ATXN1: variants seen among roughly 807,000 people sequenced by gnomAD.
ATXN1 encodes the protein ataxin-1.
ATXN1 carries 8 observed loss-of-function variants against 56.4 expected under a neutral mutation model. That is an observed-to-expected ratio of 0.14 (90% CI 0.08 to 0.26). The LOEUF is 0.26. Among genes scored for constraint, ATXN1 ranks in the 10% least tolerant of loss-of-function variants. The pLI is 1.00. For missense variants in ATXN1, 987 were observed against 1,106.5 expected (o/e 0.89, Z 1.53); for synonymous variants, 514 against 494.6 (o/e 1.04, Z -0.52).
intron 4 of ATXN1, among the ~76,000 whole-genome samples, chr6:16,572,038 C>A (rs1762341850): frequency 6.6e-6 from 1 of 152,114 alleles, no homozygotes; most frequent in Non-Finnish European, 1.5e-5. Flanking sequence ...TTTAGATATG[C>A]CATGGCCGGT....
At chr6:16,515,537 G>A (rs1023356185) in intron 5 of ATXN1, among the ~76,000 whole-genome samples, 3 of 152,134 alleles carry the variant, frequency 2.0e-5, no homozygotes, top group African/African-American at 7.2e-5. Context: ...CACACGTAGC[G>A]AATGTGGTTG....
In ATXN1 at chr6:16,327,756, G is replaced by T; in HGVS notation, c.555C>A (p.Gly185=). The change falls in exon 7 of 8, where the codon GGC becomes GGA. Residue 185 remains glycine, a synonymous_variant. Coordinates refer to ENST00000436367, the MANE Select transcript of ATXN1 (RefSeq NM_001128164.2). The part of the protein sequence containing the change: ...EAYSTLLANM[G]SLSQTPGHKA... ...TGTGTCCCGGCGTCTGGCTCAGACT[G>T]CCCATGTTGGCCAGCAGAGTGGAAT... 1 of 1,608,816 alleles carries T rather than the reference G, an allele frequency of 6.2e-7. No homozygotes were observed.
At position 16,636,812 on chromosome 6, in the gene ATXN1, C is replaced by T. The variant is rs9464931; in HGVS notation, c.-489+20964G>A. Among the ~76,000 whole-genome samples, 733 of 152,280 alleles carry T rather than the reference C, an allele frequency of 4.8e-3. 6 individuals are homozygous for T. The highest frequency in any genetic ancestry group is 0.017 in the African/African-American group (694 of 41,546). On this transcript the variant is annotated intron_variant, in intron 3 of 7. Coordinates refer to ENST00000436367, the MANE Select transcript of ATXN1 (RefSeq NM_001128164.2). ...ATAATCTAAACTAAATTAGCTTTTACACCTAACGACGGCCTGGGAATAATA... is the reference window on the plus strand; with the variant it reads ...ATAATCTAAACTAAATTAGCTTTTATACCTAACGACGGCCTGGGAATAATA...
intron 5 of ATXN1, among the ~76,000 whole-genome samples, chr6:16,499,290 G>T (rs183604912): frequency 3.9e-5 from 6 of 152,124 alleles, no homozygotes; most frequent in African/African-American, 1.4e-4. Context: ...AGTATGAAGT[G>T]ATTTTAGTCT....
intron 3 of ATXN1, among the ~76,000 whole-genome samples, chr6:16,648,785 A>T (rs894919308): frequency 9.2e-5 from 14 of 152,232 alleles, no homozygotes; most frequent in Non-Finnish European, 1.5e-5. Flanking sequence ...TTTCTTAATT[A>T]GTTAATCCAG....
chr6:16,313,748 G>T (rs2113385189), intron 7 of ATXN1, among the ~76,000 whole-genome samples: 1 of 152,050 alleles, frequency 6.6e-6, no homozygotes, highest in African/African-American at 2.4e-5. Context: ...AGTAGACACG[G>T]GGTTTCATTC....
At chr6:16,534,931 G>T (rs1223857252) in intron 4 of ATXN1, among the ~76,000 whole-genome samples, 4 of 152,316 alleles carry the variant, frequency 2.6e-5, no homozygotes, top group Admixed American at 6.5e-5. Flanking sequence ...TTACTGTCCT[G>T]TCATTTGATT....
intron 5 of ATXN1, among the ~76,000 whole-genome samples, chr6:16,487,013 T>C (rs235146): frequency 0.43 from 65,287 of 151,990 alleles, 14,339 homozygotes; most frequent in Admixed American, 0.48. Flanking sequence ...ATCCTGATCA[T>C]TAATATTTTC....
At chr6:16,314,800 G>A (rs568934389) in intron 7 of ATXN1, among the ~76,000 whole-genome samples, 39 of 151,974 alleles carry the variant, frequency 2.6e-4, no homozygotes, top group African/African-American at 9.2e-4. Flanking sequence ...TAGTAGAGAC[G>A]GGGTTTTACC....
intron 6 of ATXN1, among the ~76,000 whole-genome samples, chr6:16,329,559 T>A (rs1404071368): frequency 2.0e-5 from 3 of 152,160 alleles, no homozygotes; most frequent in Non-Finnish European, 4.4e-5. Flanking sequence ...AAAACCCAAA[T>A]ACCATACAAA....
intron 3 of ATXN1, among the ~76,000 whole-genome samples, chr6:16,587,218 C>G (rs2113766704): frequency 6.6e-6 from 1 of 152,130 alleles, no homozygotes; most frequent in South Asian, 2.1e-4. Flanking sequence ...CTAAGTAATC[C>G]CAAATCCAGA....
chr6:16,752,027 C>G (rs1046691084), intron 2 of ATXN1, among the ~76,000 whole-genome samples: 1 of 152,086 alleles, frequency 6.6e-6, no homozygotes, highest in Non-Finnish European at 1.5e-5. Context: ...GATCTTAAGT[C>G]CAGATGGGTT....
At chr6:16,331,559 G>C (rs752490290) in intron 6 of ATXN1, among the ~76,000 whole-genome samples, 2 of 152,096 alleles carry the variant, frequency 1.3e-5, no homozygotes, top group Non-Finnish European at 1.5e-5. Context: ...GTTTCATGAG[G>C]GATATTTATG....
chr6:16,603,093 G>C (rs1041377801), intron 3 of ATXN1, among the ~76,000 whole-genome samples: 1 of 152,172 alleles, frequency 6.6e-6, no homozygotes, highest in Non-Finnish European at 1.5e-5. Context: ...GACTGGGATT[G>C]ACCCAGCCAC....
At chr6:16,496,205 A>G (rs1412949585) in intron 5 of ATXN1, among the ~76,000 whole-genome samples, 1 of 152,164 alleles carries the variant, frequency 6.6e-6, no homozygotes, top group Non-Finnish European at 1.5e-5. Context: ...GTGCTATTGA[A>G]AACTTCTCTT....
intron 3 of ATXN1, among the ~76,000 whole-genome samples, chr6:16,591,113 G>A (rs991195091): frequency 6.6e-6 from 1 of 151,180 alleles, no homozygotes; most frequent in Non-Finnish European, 1.5e-5. Context: ...GAGCCACTGC[G>A]CCCAACTATT....
At chr6:16,403,639 T>G (rs369988) in intron 6 of ATXN1, among the ~76,000 whole-genome samples, 1 of 152,054 alleles carries the variant, frequency 6.6e-6, no homozygotes, top group Non-Finnish European at 1.5e-5. Flanking sequence ...GCGTGAGCCA[T>G]GGCGCCCGGC....
At chr6:16,318,745 G>A (rs545643663) in intron 7 of ATXN1, among the ~76,000 whole-genome samples, 2 of 152,298 alleles carry the variant, frequency 1.3e-5, no homozygotes, top group South Asian at 4.1e-4. Flanking sequence ...TTAAAAGCTG[G>A]GTTTTTCTTA....
chr6:16,731,787 C>T (rs1485523730), intron 2 of ATXN1, among the ~76,000 whole-genome samples: 2 of 151,968 alleles, frequency 1.3e-5, no homozygotes, highest in African/African-American at 4.8e-5. Context: ...ACCCCTCCTA[C>T]ACTGGCATTC....
Sources: gnomAD v4.1 joint callset for allele counts (sites outside exome capture counted in the v4.1 genomes callset) on GRCh38, gnomAD v4.1.1 for gene constraint, MANE v1.5 for transcripts, NCBI Gene and HGNC (gene_info 2026-07-23, HGNC 2026-07-21) for gene names.